SORCS2: variants seen among roughly 807,000 people sequenced by gnomAD.
The protein encoded by SORCS2 is VPS10 domain-containing receptor SorCS2.
Under a neutral mutation model 141.6 loss-of-function variants are expected in SORCS2, and 100 were observed. The ratio of observed to expected loss-of-function variants is 0.71; its 90% CI spans 0.60 to 0.83. The LOEUF (loss-of-function observed/expected upper bound fraction) is 0.83, where lower values mean the gene tolerates loss of function less well. Ranked by LOEUF, SORCS2 falls within the 40% of genes least tolerant of loss-of-function variation. SORCS2 has a pLI of 0.00. For synonymous variants in SORCS2, 789 were observed against 676.9 expected (o/e 1.17, Z -2.57); for missense variants, 1,646 against 1,560.2 (o/e 1.05, Z -0.93).
At chr4:7,591,766 C>T (rs764519005) in intron 3 of SORCS2, among the ~76,000 whole-genome samples, 3 of 152,208 alleles carry the variant, frequency 2.0e-5, no homozygotes, top group Non-Finnish European at 4.4e-5. Context: ...TGATGAATCC[C>T]GGCAGAGGCC....
intron 3 of SORCS2, among the ~76,000 whole-genome samples, chr4:7,596,646 C>T (rs188334548): frequency 1.2e-4 from 18 of 152,290 alleles, no homozygotes; most frequent in African/African-American, 4.3e-4. Context: ...GAGAAATCTG[C>T]GTTCCTTTGG....
intron 2 of SORCS2, among the ~76,000 whole-genome samples, chr4:7,448,304 T>C (rs1470332935): frequency 6.6e-6 from 1 of 152,038 alleles, no homozygotes; most frequent in African/African-American, 2.4e-5. Flanking sequence ...CAAGGCGTGC[T>C]TAGGGCCCTG....
chr4:7,502,760 T>TG (rs1732048270), intron 2 of SORCS2, among the ~76,000 whole-genome samples: 1 of 151,526 alleles, frequency 6.6e-6, no homozygotes, highest in Non-Finnish European at 1.5e-5. Flanking sequence ...ACATGACCTC[T>TG]GTGCTCAGAG....
intron 2 of SORCS2, among the ~76,000 whole-genome samples, chr4:7,487,317 G>A (rs7693764): frequency 0.97 from 147,770 of 152,314 alleles, 71,798 homozygotes; most frequent in East Asian, 1. Flanking sequence ...AGTCACCAGA[G>A]GATCCTGAAG....
chr4:7,723,818 G>A lies in SORCS2; in HGVS notation c.2546G>A (p.Arg849His), dbSNP rs377057087. The A allele has an allele frequency of 1.8e-4, 294 of 1,613,344 alleles. No homozygotes were observed. Among genetic ancestry groups the A allele is most frequent in the Non-Finnish European group, 2.3e-4 (269 of 1,179,900 alleles). Reference protein sequence around the residue: ...RHRYESPGIYRVSVRAENTAG... With the variant: ...RHRYESPGIYHVSVRAENTAG... The stretch of plus-strand genomic sequence containing the variant: ...CGCTACGAGAGCCCCGGCATCTACC[G>A]CGTGTCCGTCAGGGCAGAGAACACG... Residue 849 changes from arginine (R) to histidine (H), a missense_variant, in exon 19 of 27, where the codon CGC (arginine) becomes CAC (histidine). Transcript: ENST00000507866.
chr4:7,422,863 G>A (rs956862600), intron 2 of SORCS2, among the ~76,000 whole-genome samples: 22 of 152,170 alleles, frequency 1.4e-4, no homozygotes, highest in Non-Finnish European at 2.4e-4. Flanking sequence ...CTGACCCAGG[G>A]CTTCTCAGCA....
At chr4:7,333,789 T>C (rs1157375779) in intron 1 of SORCS2, among the ~76,000 whole-genome samples, 1 of 152,230 alleles carries the variant, frequency 6.6e-6, no homozygotes, top group Non-Finnish European at 1.5e-5. Context: ...TATCTTGTGG[T>C]CAGTGCTTTC....
At chr4:7,539,533 A>C (rs1712395679) in intron 3 of SORCS2, among the ~76,000 whole-genome samples, 1 of 152,110 alleles carries the variant, frequency 6.6e-6, no homozygotes, top group Non-Finnish European at 1.5e-5. Flanking sequence ...TGGCTTCCCC[A>C]CCACACTGGG....
At chr4:7,466,633 C>T (rs1729633657) in intron 2 of SORCS2, among the ~76,000 whole-genome samples, 1 of 152,164 alleles carries the variant, frequency 6.6e-6, no homozygotes, top group Non-Finnish European at 1.5e-5. Context: ...AGGTGGGCAC[C>T]TTGGCCCAGG....
chr4:7,543,699 TCCATCCATCCACCCATCCAC>T (rs1712929218), intron 3 of SORCS2, among the ~76,000 whole-genome samples: 1 of 40,396 alleles, frequency 2.5e-5, no homozygotes. Flanking sequence ...CATCCACCCA[TCCATCCATCCACCCATCCAC>T]CCATCCACCC....
chr4:7,207,858 A>C (rs16839821), intron 1 of SORCS2, among the ~76,000 whole-genome samples: 23,352 of 152,188 alleles, frequency 0.15, 1,950 homozygotes, highest in East Asian at 0.28. Context: ...AAGTTTCCTG[A>C]TATGAATTAT....
chr4:7,488,443 C>T lies in SORCS2; in HGVS notation c.549-43087C>T, dbSNP rs530783508. Among the ~76,000 whole-genome samples the T allele has an allele frequency of 1.5e-4, 23 of 152,310 alleles. No individual in the cohort carries two copies. The South Asian group carries it at 1.7e-3, about 11-fold the overall frequency. Reference sequence around the variant, plus strand: ...GAGAAGGAGCACTTGTCCCCATGAGCGCCGCCTGGCTACTGCATGTGGTGC... The same window carrying T: ...GAGAAGGAGCACTTGTCCCCATGAGTGCCGCCTGGCTACTGCATGTGGTGC... On this transcript the variant is annotated intron_variant, in intron 2 of 26. Coordinates refer to ENST00000507866, the MANE Select transcript of SORCS2 (RefSeq NM_020777.3).
At chr4:7,620,937 C>G (rs1719125144) in intron 3 of SORCS2, among the ~76,000 whole-genome samples, 1 of 152,158 alleles carries the variant, frequency 6.6e-6, no homozygotes, top group African/African-American at 2.4e-5. Context: ...CGAGTGCCCC[C>G]CAAGTGCCCT....
At chr4:7,593,791 C>A (rs1478892901) in intron 3 of SORCS2, among the ~76,000 whole-genome samples, 1 of 152,162 alleles carries the variant, frequency 6.6e-6, no homozygotes, top group Non-Finnish European at 1.5e-5. Context: ...ACAGAAATTG[C>A]CCAATTTCGA....
intron 3 of SORCS2, among the ~76,000 whole-genome samples, chr4:7,633,419 C>G (rs1181274604): frequency 6.6e-6 from 1 of 152,108 alleles, no homozygotes; most frequent in East Asian, 1.9e-4. Flanking sequence ...TCCATTCATT[C>G]TTCAGGGCTC....
chr4:7,734,201 G>T, intron 24 of SORCS2, 71 bp from the exon 25 acceptor site: 3 of 1,175,964 alleles, frequency 2.6e-6, no homozygotes, highest in Non-Finnish European at 2.4e-6. Context: ...GGGGACAGAC[G>T]GGATGGGCTG....
chr4:7,641,179 C>T (rs1025215194), intron 4 of SORCS2, among the ~76,000 whole-genome samples: 2 of 152,076 alleles, frequency 1.3e-5, no homozygotes. Context: ...ATCTATTAGC[C>T]CATTGTCACA....
chr4:7,257,485 C>T (rs1713979736), intron 1 of SORCS2, among the ~76,000 whole-genome samples: 1 of 152,100 alleles, frequency 6.6e-6, no homozygotes, highest in Admixed American at 6.5e-5. Flanking sequence ...CACAGTGGCT[C>T]TTCCAGGCAG....
chr4:7,736,979 CG>C (rs1362624239), intron 25 of SORCS2, 89 bp from the exon 26 acceptor site: 27 of 1,479,662 alleles, frequency 1.8e-5, no homozygotes, highest in Non-Finnish European at 2.3e-5. Context: ...GCACCACACT[CG>C]GTGTGGTCAG....
Sources: gnomAD v4.1 joint callset for allele counts (sites outside exome capture counted in the v4.1 genomes callset) on GRCh38, gnomAD v4.1.1 for gene constraint, MANE v1.5 for transcripts, NCBI Gene and HGNC (gene_info 2026-07-23, HGNC 2026-07-21) for gene names.